Variants in PNCK observed in about 807,000 individuals in gnomAD.
The protein encoded by PNCK is calcium/calmodulin-dependent protein kinase type 1B.
Under a neutral mutation model 28.3 loss-of-function variants are expected in PNCK, and 21 were observed. That is an observed-to-expected ratio of 0.74 (90% CI 0.53 to 1.07). PNCK has a LOEUF of 1.07. Ranked by LOEUF, PNCK falls within the 50% of genes least tolerant of loss-of-function variation. The pLI, the probability that PNCK is intolerant of heterozygous loss-of-function variation, is 0.00. For synonymous variants in PNCK, 136 were observed against 125.2 expected (o/e 1.09, Z -0.58); for missense variants, 250 against 298.3 (o/e 0.84, Z 1.19).
At chrX:153,674,385 G>A, upstream of PNCK, 1 of 419,349 alleles carries the variant, frequency 2.4e-6, no homozygotes, top group South Asian at 7.3e-5. Flanking sequence ...TTAGGGGGCG[G>A]CCTAACGACT....
At chrX:153,675,646 G>A (rs2091361577), upstream of PNCK, among the ~76,000 whole-genome samples, 1 of 111,138 alleles carries the variant, frequency 9.0e-6, no homozygotes, top group South Asian at 3.9e-4. Context: ...TCCCGCCTCA[G>A]CCTCGAGTAG....
upstream of PNCK, among the ~76,000 whole-genome samples, chrX:153,675,454 T>TAAAA (rs1271843113): frequency 8.9e-6 from 1 of 111,772 alleles, no homozygotes; most frequent in African/African-American, 3.3e-5. Context: ...GTGACTCAGG[T>TAAAA]GGCCCTGGCC....
At chrX:153,675,987 C>CTTTTTTTTTTTTTTTTT (rs59527995), upstream of PNCK, among the ~76,000 whole-genome samples, 2 of 79,974 alleles carry the variant, frequency 2.5e-5, no homozygotes, top group African/African-American at 4.6e-5. Context: ...TTTTTCTTTT[C>CTTTTTTTTTTTTTTTTT]TTTTTTTTTT....
upstream of PNCK, among the ~76,000 whole-genome samples, chrX:153,679,087 A>C (rs2091382860): frequency 8.9e-6 from 1 of 111,759 alleles, no homozygotes; most frequent in African/African-American, 3.3e-5. Context: ...TTACGAATAA[A>C]GCTGCTAATA....
chrX:153,673,314 C>G (rs782352615), intron 1 of PNCK: 3 of 1,169,896 alleles, frequency 2.6e-6, no homozygotes, highest in Admixed American at 5.3e-5. Flanking sequence ...CCCCGCACCC[C>G]GAAGGCGACC....
In PNCK at chrX:153,672,553, G is replaced by T. The variant is rs376479075; in HGVS notation, c.200+13C>A. The T allele has an allele frequency of 1.7e-6, 2 of 1,200,883 alleles. No individual in the cohort carries two copies. The highest frequency in any genetic ancestry group is 1.7e-5 in the African/African-American group (1 of 57,460). ...GACCTATGCCCCGTCCCAGGGCCCC[G>T]CGAGGTGCGCACCTACGGAGCACTG... On this transcript the variant is annotated intron_variant, in intron 3 of 11. Transcript: ENST00000340888.
upstream of PNCK, among the ~76,000 whole-genome samples, chrX:153,677,234 A>C (rs781910799): frequency 4.7e-4 from 52 of 111,793 alleles, no homozygotes; most frequent in Non-Finnish European, 8.9e-4. Flanking sequence ...CACCGCGCCC[A>C]GCCACCTGTG....
At chrX:153,682,980 G>A (rs1350221753) in intron 1 of PNCK, among the ~76,000 whole-genome samples, 6 of 112,088 alleles carry the variant, frequency 5.4e-5, no homozygotes, top group Admixed American at 2.8e-4. Context: ...TCACATGGAC[G>A]TGTGAGACAA....
At chrX:153,674,433 A>G (rs147521850), upstream of PNCK, 2,499 of 289,764 alleles carry the variant, frequency 8.6e-3, 47 homozygotes, top group African/African-American at 0.063. Flanking sequence ...CCCCGGCCAC[A>G]CTGGCCTCCT....
chrX:153,677,602 T>TGTATATATA (rs2148348113), upstream of PNCK, among the ~76,000 whole-genome samples: 1 of 100,649 alleles, frequency 9.9e-6, no homozygotes, highest in African/African-American at 3.7e-5. Flanking sequence ...ATATATATAG[T>TGTATATATA]GTGTATATAT....
chrX:153,674,009 AGCTGCGGCCCG>A, upstream of PNCK: 1 of 1,178,848 alleles, frequency 8.5e-7, no homozygotes, highest in South Asian at 1.9e-5. Context: ...CGCCTCCCGG[AGCTGCGGCCCG>A]GCTGGGCCGG....
chrX:153,676,224 A>G (rs1002218138), upstream of PNCK, among the ~76,000 whole-genome samples: 1 of 110,930 alleles, frequency 9.0e-6, no homozygotes, highest in Admixed American at 9.6e-5. Flanking sequence ...TTTAACCAAG[A>G]TATCTGTGCT....
chrX:153,679,518 A>ATTGGGTTG (rs1214205020), upstream of PNCK, among the ~76,000 whole-genome samples: 28 of 89,459 alleles, frequency 3.1e-4, no homozygotes, highest in South Asian at 5.2e-4. Context: ...CCATTTTTAA[A>ATTGGGTTG]TTGGGTTGTT....
In PNCK at chrX:153,672,979, AC is replaced by A. The variant is rs782686946; in HGVS notation, c.68+29del. The A allele has an allele frequency of 1.1e-3, 1,250 of 1,143,449 alleles. 4 individuals carry two copies. In the African/African-American group the frequency reaches 0.023, roughly 21 times the overall value. 94.2% of individuals were successfully genotyped at this position (1,143,449 alleles called of 1,213,427 possible). A position where few individuals can be genotyped will look rare whatever the true frequency, so the allele number is the denominator to read the frequency against. On this transcript the variant is annotated intron_variant, in intron 2 of 11. Transcript: ENST00000340888. ...TACACACACACACACACACACACAC[AC>A]ACGATCACACACGCGCGCGCACACT...
intron 1 of PNCK, among the ~76,000 whole-genome samples, chrX:153,686,266 C>A (rs1458400721): frequency 1.8e-5 from 2 of 111,938 alleles, no homozygotes; most frequent in Non-Finnish European, 3.8e-5. Context: ...GGTCACTTCC[C>A]CAAAGTGCCA....
Position 153,672,653 on chromosome X carries a change from G to A in PNCK, c.113C>T (p.Ala38Val), listed in dbSNP as rs2091318915. 1.5e-5 allele frequency: 18 copies of A among 1,204,167 alleles called. No individual in the cohort carries two copies. Among genetic ancestry groups the A allele is most frequent in the Non-Finnish European group, 2.0e-5 (18 of 894,804 alleles). ...GATGCACTTGAGGGCCACGAGGTGT[G>A]CGGAGCCCCGCTCCTGGGCCAGCAC... is the stretch of plus-strand genomic sequence containing the variant. ...EVVLAQERGS[A>V]HLVALKCIPK... Residue 38 changes from alanine to valine, a missense_variant, in exon 3 of 12, where the codon GCA (alanine) becomes GTA (valine). Transcript: ENST00000340888.
At chrX:153,679,862 G>A (rs998165540), upstream of PNCK, among the ~76,000 whole-genome samples, 6 of 110,340 alleles carry the variant, frequency 5.4e-5, no homozygotes, top group Non-Finnish European at 9.5e-5. Flanking sequence ...ATGAGCCACC[G>A]CACCTTGCCA....
chrX:153,682,897 C>T (rs1182646085), intron 1 of PNCK, among the ~76,000 whole-genome samples: 8 of 112,076 alleles, frequency 7.1e-5, no homozygotes, highest in East Asian at 2.8e-4. Context: ...ACTCTCTTTT[C>T]GGACTCAGCC....
chrX:153,673,766 G>A lies in PNCK; in HGVS notation c.-3+14C>T, dbSNP rs2091344517. 29 of 744,331 alleles carry A rather than the reference G, an allele frequency of 3.9e-5. No homozygotes were observed. Among genetic ancestry groups the A allele is most frequent in the Non-Finnish European group, 4.4e-5 (28 of 633,064 alleles). 61.3% of individuals were successfully genotyped at this position (744,331 alleles called of 1,213,427 possible). A position where few individuals can be genotyped will look rare whatever the true frequency, so the allele number is the denominator to read the frequency against. On this transcript the variant is annotated intron_variant, in intron 1 of 11. Transcript: ENST00000340888. ...CCGCCCCGCGCGTCCCCGCGCCCCG[G>A]AGCAGGTGCAGACCTGGAGCGGGTG...
Sources: allele counts gnomAD v4.1 joint callset (sites outside exome capture counted in the v4.1 genomes callset), GRCh38; gene constraint gnomAD v4.1.1; transcripts MANE v1.5; gene names NCBI Gene and HGNC (gene_info 2026-07-23, HGNC 2026-07-21).